The following SNX4 variants were observed in gnomAD, a reference collection of about 807,000 sequenced individuals.
The protein encoded by SNX4 is sorting nexin-4.
A neutral mutation model predicts 70.8 loss-of-function variants in SNX4; 49 were observed. That is an observed-to-expected ratio of 0.69 (90% CI 0.55 to 0.88). The LOEUF is 0.88. Among genes scored for constraint, SNX4 ranks in the 40% least tolerant of loss-of-function variants. The pLI, the probability that SNX4 is intolerant of heterozygous loss-of-function variation, is 0.00. For synonymous variants in SNX4, 206 were observed against 183.8 expected (o/e 1.12, Z -0.98); for missense variants, 528 against 544.8 (o/e 0.97, Z 0.31).
At chr3:125,457,237 T>A (rs752000757) in intron 11 of SNX4, 29 bp downstream of exon 11, 25 of 1,484,222 alleles carry the variant, frequency 1.7e-5, no homozygotes, top group Non-Finnish European at 2.0e-5. Flanking sequence ...TGCTACAGTA[T>A]CATCAGAGGC....
At chr3:125,495,385 A>C (rs886664454) in intron 5 of SNX4, among the ~76,000 whole-genome samples, 1 of 150,872 alleles carries the variant, frequency 6.6e-6, no homozygotes, top group Non-Finnish European at 1.5e-5. Flanking sequence ...CCCTGATGGG[A>C]GGAAGGACTT....
At chr3:125,466,541 T>C (rs987617745) in intron 9 of SNX4, among the ~76,000 whole-genome samples, 1 of 152,150 alleles carries the variant, frequency 6.6e-6, no homozygotes, top group African/African-American at 2.4e-5. Flanking sequence ...GGAGAAGATA[T>C]TCCCAAACTA....
At chr3:125,488,018 G>T (rs989866076) in intron 6 of SNX4, among the ~76,000 whole-genome samples, 1 of 151,916 alleles carries the variant, frequency 6.6e-6, no homozygotes, top group Admixed American at 6.6e-5. Flanking sequence ...AACAAACACA[G>T]CTCTCTGGTG....
chr3:125,494,574 G>A (rs976052039), intron 5 of SNX4, among the ~76,000 whole-genome samples: 11 of 152,096 alleles, frequency 7.2e-5, no homozygotes, highest in Admixed American at 2.6e-4. Flanking sequence ...CTTTTTTACC[G>A]TTTTTGACAA....
chr3:125,501,241 A>G (rs1038172117), intron 2 of SNX4, among the ~76,000 whole-genome samples: 1 of 152,212 alleles, frequency 6.6e-6, no homozygotes, highest in Admixed American at 6.5e-5. Flanking sequence ...CTTAAAACAG[A>G]AAAAACATAA....
intron 1 of SNX4, among the ~76,000 whole-genome samples, chr3:125,514,696 A>T (rs1481971214): frequency 1.3e-5 from 2 of 151,904 alleles, no homozygotes; most frequent in Non-Finnish European, 2.9e-5. Context: ...CTGGCCTCCA[A>T]AACTTTTTTT....
chr3:125,497,353 C>A lies in SNX4; in HGVS notation c.585G>T (p.Gly195=). 1.2e-6 allele frequency: 2 copies of A among 1,608,556 alleles called. No individual in the cohort carries two copies. Among genetic ancestry groups the A allele is most frequent in the Non-Finnish European group, 1.7e-6 (2 of 1,175,742 alleles). ...TAAATATTCTTACCTTCAGCTGAAA[C>A]CCAGTTTCATTCACAGTCTCCTTCC... is the stretch of plus-strand genomic sequence containing the variant. ...GNWKETVNET[G]FQLKADSRLK... Residue 195 remains glycine, a synonymous_variant, in exon 5 of 14, where the codon GGG becomes GGT. Transcript: ENST00000251775.
At chr3:125,471,417 TAG>T (rs1934172054) in intron 8 of SNX4, among the ~76,000 whole-genome samples, 2 of 139,300 alleles carry the variant, frequency 1.4e-5, no homozygotes, top group Admixed American at 7.6e-5. Context: ...TTAAAAATTA[TAG>T]AATTATTAAA....
intron 8 of SNX4, among the ~76,000 whole-genome samples, chr3:125,470,582 T>C (rs752409514): frequency 6.6e-6 from 1 of 151,260 alleles, no homozygotes; most frequent in Non-Finnish European, 1.5e-5. Flanking sequence ...GATCTAGAAC[T>C]CGAACTGAAA....
At chr3:125,503,014 G>A (rs1206840265) in intron 2 of SNX4, among the ~76,000 whole-genome samples, 1 of 151,154 alleles carries the variant, frequency 6.6e-6, no homozygotes, top group Non-Finnish European at 1.5e-5. Flanking sequence ...CCACCTCCCA[G>A]GTTCAAGTGA....
intron 5 of SNX4, among the ~76,000 whole-genome samples, chr3:125,490,350 G>A (rs149636387): frequency 4.0e-5 from 6 of 151,178 alleles, no homozygotes; most frequent in Non-Finnish European, 8.8e-5. Context: ...GTGAAACGCT[G>A]TCTCTACTAA....
At chr3:125,493,782 A>G (rs1411345621) in intron 5 of SNX4, among the ~76,000 whole-genome samples, 2 of 152,114 alleles carry the variant, frequency 1.3e-5, no homozygotes, top group East Asian at 1.9e-4. Context: ...CTGTAATCCC[A>G]GCACTTTGGG....
intron 10 of SNX4, among the ~76,000 whole-genome samples, chr3:125,457,877 C>A (rs7636858): frequency 2.6e-5 from 4 of 151,760 alleles, no homozygotes; most frequent in East Asian, 3.9e-4. Flanking sequence ...TGTACCCGGC[C>A]AAAAACGTCA....
At chr3:125,465,769 A>G (rs1247796613) in intron 9 of SNX4, among the ~76,000 whole-genome samples, 2 of 152,010 alleles carry the variant, frequency 1.3e-5, no homozygotes, top group African/African-American at 2.4e-5. Context: ...CAGCCTCCCA[A>G]GTGGCTAGGA....
At chr3:125,450,488 A>T (rs1309959937) in intron 13 of SNX4, among the ~76,000 whole-genome samples, 1 of 152,218 alleles carries the variant, frequency 6.6e-6, no homozygotes, top group Admixed American at 6.5e-5. Context: ...TATAAATGTG[A>T]GAATTCATCT....
intron 10 of SNX4, among the ~76,000 whole-genome samples, chr3:125,460,532 C>T (rs928059943): frequency 3.9e-5 from 6 of 152,186 alleles, no homozygotes; most frequent in African/African-American, 1.4e-4. Context: ...CAACAACATA[C>T]AGGCACACTT....
chr3:125,474,190 G>A (rs1417253059), intron 8 of SNX4, among the ~76,000 whole-genome samples: 1 of 152,166 alleles, frequency 6.6e-6, no homozygotes, highest in Non-Finnish European at 1.5e-5. Flanking sequence ...CCACTGGTAA[G>A]TCTATCATTT....
intron 2 of SNX4, 92 bp from the exon 3 acceptor site, chr3:125,498,286 G>T: frequency 8.6e-7 from 1 of 1,163,978 alleles, no homozygotes; most frequent in Non-Finnish European, 1.2e-6. Context: ...ACTACAGAAT[G>T]ATTATGAACC....
At chr3:125,514,505 C>T in intron 1 of SNX4, among the ~76,000 whole-genome samples, 1 of 151,550 alleles carries the variant, frequency 6.6e-6, no homozygotes, top group Non-Finnish European at 1.5e-5. Context: ...GATTCTCCTG[C>T]CTTAGCCTCC....
Sources: gnomAD v4.1 joint callset for allele counts (sites outside exome capture counted in the v4.1 genomes callset) on GRCh38, gnomAD v4.1.1 for gene constraint, MANE v1.5 for transcripts, NCBI Gene and HGNC (gene_info 2026-07-23, HGNC 2026-07-21) for gene names.